ETV5: variants seen among roughly 807,000 people sequenced by gnomAD.
ETV5 encodes ETS variant transcription factor 5.
A neutral mutation model predicts 70.0 loss-of-function variants in ETV5; 10 were observed. That is an observed-to-expected ratio of 0.14 (90% CI 0.09 to 0.24). The LOEUF (loss-of-function observed/expected upper bound fraction) is 0.24. Among genes scored for constraint, ETV5 ranks in the 10% least tolerant of loss-of-function variants. The pLI, the probability that ETV5 is intolerant of heterozygous loss-of-function variation, is 1.00. For synonymous variants in ETV5, 216 were observed against 242.2 expected, an observed-to-expected ratio of 0.89 and a Z score of 1.01; for missense variants, 453 against 651.2, an observed-to-expected ratio of 0.70 and a Z score of 3.31.
chr3:186,102,964 C>A (rs755437563), intron 5 of ETV5, among the ~76,000 whole-genome samples: 4 of 152,134 alleles, frequency 2.6e-5, no homozygotes, highest in African/African-American at 7.2e-5. Flanking sequence ...CTCAAAGATG[C>A]ACCACCCACA....
chr3:186,084,210 A>C (rs1325909206), intron 5 of ETV5: 2 of 454,874 alleles, frequency 4.4e-6, no homozygotes, highest in Non-Finnish European at 8.8e-6. Flanking sequence ...GAGACCCAGG[A>C]CTATAAAGGA....
At chr3:186,084,877 A>C (rs1188884462) in intron 5 of ETV5, among the ~76,000 whole-genome samples, 1 of 152,152 alleles carries the variant, frequency 6.6e-6, no homozygotes, top group African/African-American at 2.4e-5. Context: ...TACCACTTAC[A>C]CCTGTTTAAC....
intron 5 of ETV5, among the ~76,000 whole-genome samples, chr3:186,097,051 A>G (rs1258802019): frequency 6.6e-6 from 1 of 152,124 alleles, no homozygotes; most frequent in East Asian, 1.9e-4. Flanking sequence ...GCTGGATGCT[A>G]TTTTGAGGCA....
chr3:186,081,204 A>G, intron 5 of ETV5, 29 bp from the exon 6 acceptor site: 1 of 1,597,528 alleles, frequency 6.3e-7, no homozygotes, highest in Non-Finnish European at 8.5e-7. Context: ...TGAGAGGGGA[A>G]TAGAGAGAGA....
chr3:186,056,423 T>C (rs914781239), intron 11 of ETV5, among the ~76,000 whole-genome samples: 7 of 152,136 alleles, frequency 4.6e-5, no homozygotes, highest in South Asian at 4.1e-4. Flanking sequence ...TTTTCTTTTA[T>C]TTTTTGTAGA....
intron 7 of ETV5, among the ~76,000 whole-genome samples, chr3:186,073,245 G>A (rs141266551): frequency 1.6e-3 from 248 of 152,316 alleles, no homozygotes; most frequent in African/African-American, 5.7e-3. Flanking sequence ...CTCAGTTTGC[G>A]ATACCTACAT....
chr3:186,053,081 AC>A (rs1215331935), intron 11 of ETV5, among the ~76,000 whole-genome samples: 1 of 152,024 alleles, frequency 6.6e-6, no homozygotes, highest in African/African-American at 2.4e-5. Flanking sequence ...AAAAAAAAAA[AC>A]AAACTATATT....
intron 5 of ETV5, among the ~76,000 whole-genome samples, chr3:186,100,092 G>A (rs1578562107): frequency 6.6e-6 from 1 of 152,186 alleles, no homozygotes; most frequent in African/African-American, 2.4e-5. Context: ...TATCAAAACA[G>A]GAAGGATTTC....
chr3:186,065,017 G>A (rs1713406744), intron 8 of ETV5, among the ~76,000 whole-genome samples: 1 of 152,184 alleles, frequency 6.6e-6, no homozygotes, highest in Admixed American at 6.5e-5. Context: ...GTAGAGGATT[G>A]CAGTTTGGTC....
rs1713051114 is a variant in ETV5, at chr3:186,052,294, C to T, written c.1210-163G>A. On this transcript the variant is annotated intron_variant, in intron 11 of 12. Coordinates refer to ENST00000306376, the MANE Select transcript of ETV5 (RefSeq NM_004454.3). The surrounding 1 kb of genome is among the most constrained non-coding windows in gnomAD (Gnocchi z 4.5). Reference sequence around the variant, plus strand: ...TTTAACTCCCTCAAGACCAAACATTCAACAAAGGCGATGATTCAGTGACAA... The same window carrying T: ...TTTAACTCCCTCAAGACCAAACATTTAACAAAGGCGATGATTCAGTGACAA... Among the ~76,000 whole-genome samples, 1 of 152,142 alleles carries T rather than the reference C, an allele frequency of 6.6e-6. No individual in the cohort carries two copies. Among genetic ancestry groups the T allele is most frequent in the Admixed American group, 6.5e-5 (1 of 15,268 alleles).
chr3:186,057,221 T>C lies in ETV5; in HGVS notation c.1063A>G (p.Met355Val), dbSNP rs2150142352. Residue 355 changes from methionine (M) to valine (V), a missense_variant, in exon 11 of 13, where the codon ATG (methionine) becomes GTG (valine). Physicochemically the swap from Met to Val is conservative, Grantham distance 21. This residue lies in a region of ETV5 where 307 missense variants were observed against 344.9 expected (regional missense o/e 0.89). Coordinates refer to ENST00000306376, the MANE Select transcript of ETV5 (RefSeq NM_004454.3). This position sits in a 1 kb window ranked among gnomAD's most constrained non-coding sequence, Gnocchi z 4.9. ...TGGTAAGGGGGCCCCTCTCGATACATGGTAGGCTCCTGTTTGACTTTGCCT... is the reference window on the plus strand; with the variant it reads ...TGGTAAGGGGGCCCCTCTCGATACACGGTAGGCTCCTGTTTGACTTTGCCT... ...LEGKVKQEPT[M>V]YREGPPYQRR... The C allele has an allele frequency of 2.5e-6, 4 of 1,614,098 alleles. No individual in the cohort carries two copies. Among genetic ancestry groups the C allele is most frequent in the South Asian group, 1.1e-5 (1 of 91,072 alleles).
At chr3:186,086,146 T>C (rs1404675957) in intron 5 of ETV5, among the ~76,000 whole-genome samples, 2 of 152,220 alleles carry the variant, frequency 1.3e-5, no homozygotes, top group Admixed American at 6.5e-5. Flanking sequence ...CAAATATATA[T>C]GACAGTCTTA....
chr3:186,095,716 A>G (rs2150153523), intron 5 of ETV5, among the ~76,000 whole-genome samples: 1 of 152,370 alleles, frequency 6.6e-6, no homozygotes, highest in Non-Finnish European at 1.5e-5. Flanking sequence ...TGGCTAGTGT[A>G]TGTGTTTAAA....
chr3:186,060,440 AATC>A (rs754956065), intron 9 of ETV5, among the ~76,000 whole-genome samples: 2 of 152,244 alleles, frequency 1.3e-5, no homozygotes, highest in Non-Finnish European at 2.9e-5. Context: ...TTGTGGCCAC[AATC>A]ATCTAATCAC....
chr3:186,108,435 CG>C (rs1714648796), intron 1 of ETV5: 6 of 1,099,614 alleles, frequency 5.5e-6, no homozygotes, highest in Non-Finnish European at 7.4e-6. Context: ...GGTCGACCCC[CG>C]CCCCCGCAGG....
chr3:186,097,572 T>A (rs1268855234), intron 5 of ETV5, among the ~76,000 whole-genome samples: 1 of 152,164 alleles, frequency 6.6e-6, no homozygotes, highest in Non-Finnish European at 1.5e-5. Flanking sequence ...TCTCCTCTTA[T>A]TATCACGCCC....
chr3:186,083,606 T>C (rs956390093), intron 5 of ETV5, among the ~76,000 whole-genome samples: 11 of 152,248 alleles, frequency 7.2e-5, no homozygotes, highest in Non-Finnish European at 1.5e-4. Context: ...ACTTAGTGTG[T>C]ACCACATCAT....
At chr3:186,080,876 T>G in intron 6 of ETV5, 170 bp downstream of exon 6, 2 of 704,812 alleles carry the variant, frequency 2.8e-6, no homozygotes, top group Non-Finnish European at 4.5e-6. Context: ...TGCAGTACAA[T>G]GATCCCAAGG....
intron 12 of ETV5, among the ~76,000 whole-genome samples, chr3:186,050,051 G>C (rs1190279104): frequency 6.6e-6 from 1 of 152,132 alleles, no homozygotes; most frequent in Non-Finnish European, 1.5e-5. Flanking sequence ...TCATGTACTC[G>C]TGAGTCATGT....
Sources: gnomAD v4.1 joint callset for allele counts (sites outside exome capture counted in the v4.1 genomes callset) on GRCh38, gnomAD v4.1.1 for gene constraint, gnomAD v4.1.1 regional missense constraint, Gnocchi (gnomAD v3.1) non-coding constraint, MANE v1.5 for transcripts, NCBI Gene and HGNC (gene_info 2026-07-23, HGNC 2026-07-21) for gene names.